E2F3: variants seen among roughly 807,000 people sequenced by gnomAD.
The protein encoded by E2F3 is transcription factor E2F3.
Under a neutral mutation model 44.4 loss-of-function variants are expected in E2F3, and 11 were observed. The ratio of observed to expected loss-of-function variants is 0.25; its 90% confidence interval spans 0.16 to 0.41. The LOEUF (loss-of-function observed/expected upper bound fraction) is 0.41, where lower values mean the gene tolerates loss of function less well. Among genes scored for constraint, E2F3 ranks in the 10% least tolerant of loss-of-function variants. The pLI is 1.00. For synonymous variants in E2F3, 249 were observed against 253.0 expected (o/e 0.98, Z 0.15); for missense variants, 487 against 583.6 (o/e 0.83, Z 1.70).
At chr6:20,418,604 G>A (rs1759926017) in intron 1 of E2F3, among the ~76,000 whole-genome samples, 1 of 152,206 alleles carries the variant, frequency 6.6e-6, no homozygotes, top group Non-Finnish European at 1.5e-5. Context: ...CTGCCAAGTG[G>A]ACAGTTGCAG....
chr6:20,482,621 TGTGTAA>T, intron 3 of E2F3, 135 bp from the exon 4 acceptor site: 1 of 309,006 alleles, frequency 3.2e-6, no homozygotes, highest in Non-Finnish European at 5.8e-6. Context: ...TATATATATA[TGTGTAA>T]ATGTTCTAAT....
intron 1 of E2F3, among the ~76,000 whole-genome samples, chr6:20,427,495 C>A (rs1760254565): frequency 6.6e-6 from 1 of 152,114 alleles, no homozygotes; most frequent in Non-Finnish European, 1.5e-5. Flanking sequence ...GGGATCAATT[C>A]TTTTCACCTC....
At chr6:20,405,401 C>CA (rs1187019815) in intron 1 of E2F3, among the ~76,000 whole-genome samples, 2 of 139,814 alleles carry the variant, frequency 1.4e-5, no homozygotes, top group African/African-American at 2.7e-5. Flanking sequence ...GGCTGGAGTG[C>CA]AATGGCACGA....
At chr6:20,479,709 A>T (rs1216891221) in intron 1 of E2F3, 137 bp from the exon 2 acceptor site, 1 of 670,206 alleles carries the variant, frequency 1.5e-6, no homozygotes, top group African/African-American at 1.8e-5. Flanking sequence ...GGGAATGACA[A>T]GATGCTGAGT....
intron 1 of E2F3, among the ~76,000 whole-genome samples, chr6:20,404,610 G>T (rs1759430803): frequency 6.6e-6 from 1 of 152,174 alleles, no homozygotes; most frequent in Non-Finnish European, 1.5e-5. Context: ...ATAATGAGGC[G>T]TTTTTTATTT....
intron 1 of E2F3, among the ~76,000 whole-genome samples, chr6:20,453,648 G>A (rs1239949768): frequency 1.3e-5 from 2 of 152,090 alleles, no homozygotes; most frequent in Non-Finnish European, 2.9e-5. Flanking sequence ...CTGGGCTCGG[G>A]CGATCCTACC....
chr6:20,446,965 T>C (rs926310908), intron 1 of E2F3, among the ~76,000 whole-genome samples: 1 of 152,214 alleles, frequency 6.6e-6, no homozygotes, highest in African/African-American at 2.4e-5. Context: ...AGCACCTTCA[T>C]GCAATGTCAC....
At chr6:20,421,915 G>C (rs893882601) in intron 1 of E2F3, 1 of 152,232 alleles carries the variant, frequency 6.6e-6, no homozygotes, top group Non-Finnish European at 1.5e-5. Flanking sequence ...AAGGGCCCTA[G>C]GGTTTTTGAA....
Position 20,401,973 on chromosome 6 carries a change from C to T in E2F3, c.-260C>T, listed in dbSNP as rs1759318116. ...CCGCCTCGCAATCCGTTGCATCGGC[C>T]GCCCCCGACGCCTCCATCCCCGCTT... On this transcript the variant is annotated 5_prime_UTR_variant, in exon 1 of 7. Coordinates refer to ENST00000346618, the MANE Select transcript of E2F3 (RefSeq NM_001949.5). 4.4e-6 allele frequency: 2 copies of T among 455,570 alleles called. No homozygotes were observed. Among genetic ancestry groups the T allele is most frequent in the Non-Finnish European group, 7.2e-6 (2 of 277,352 alleles). The allele number at this position is 455,570 out of a possible 1,614,324, so 28.2% of individuals were successfully genotyped here.
At chr6:20,447,152 G>A (rs1057468359) in intron 1 of E2F3, among the ~76,000 whole-genome samples, 4 of 152,104 alleles carry the variant, frequency 2.6e-5, no homozygotes, top group Admixed American at 1.3e-4. Context: ...AAGGAGGGAC[G>A]TCCACGTTTG....
At chr6:20,434,136 T>A (rs968024675) in intron 1 of E2F3, among the ~76,000 whole-genome samples, 10 of 152,206 alleles carry the variant, frequency 6.6e-5, no homozygotes, top group African/African-American at 2.4e-4. Flanking sequence ...TCCTGCCTTG[T>A]GGGAGGGACA....
chr6:20,442,967 C>A (rs1355794145), intron 1 of E2F3, among the ~76,000 whole-genome samples: 15 of 147,990 alleles, frequency 1.0e-4, no homozygotes, highest in South Asian at 2.1e-4. Flanking sequence ...CAAACTGTCT[C>A]AAAAAAAAAA....
chr6:20,446,519 T>C (rs1013542357), intron 1 of E2F3, among the ~76,000 whole-genome samples: 33 of 152,216 alleles, frequency 2.2e-4, no homozygotes, highest in African/African-American at 8.0e-4. Context: ...AATGCCTCTT[T>C]CTGGACCAGA....
Position 20,478,499 on chromosome 6 carries a change from G to A in E2F3, c.394-1347G>A, listed in dbSNP as rs556555541. Among the ~76,000 whole-genome samples, 89 of 152,154 alleles carry A rather than the reference G, an allele frequency of 5.8e-4. 1 individual carries two copies. In the South Asian group the frequency reaches 0.015, roughly 26 times the overall value. The stretch of plus-strand genomic sequence containing the variant: ...GTTATTACTTACGTTTTCACATCAC[G>A]GGGAGTTGTTTTGAAATTGCAACTC... On this transcript the variant is annotated intron_variant, in intron 1 of 6. Coordinates refer to ENST00000346618, the MANE Select transcript of E2F3 (RefSeq NM_001949.5).
Position 20,402,469 on chromosome 6 carries a change from A to G in E2F3, c.237A>G (p.Val79=). The G allele has an allele frequency of 6.2e-7, 1 of 1,609,144 alleles. No individual in the cohort carries two copies. The highest frequency in any genetic ancestry group is 1.1e-5 in the South Asian group (1 of 90,994). ...SCSSSLQSGA[V]AAGPLLPSAP... is the part of the protein sequence containing the mutation. ...CCTCCTCCCTCCAAAGCGGCGCCGTAGCCGCCGGCCCCCTCCTCCCCAGTG... is the reference window on the plus strand; with the variant it reads ...CCTCCTCCCTCCAAAGCGGCGCCGTGGCCGCCGGCCCCCTCCTCCCCAGTG... The change falls in exon 1 of 7, where the codon GTA becomes GTG. Residue 79 remains valine, a synonymous_variant. Transcript: ENST00000346618. The surrounding 1 kb of genome is among the most constrained non-coding windows in gnomAD (Gnocchi z 5.6).
chr6:20,428,684 C>G (rs535954923), intron 1 of E2F3, among the ~76,000 whole-genome samples: 1 of 152,208 alleles, frequency 6.6e-6, no homozygotes. Flanking sequence ...GTGCTGAAAA[C>G]AGGTCTCTTG....
intron 1 of E2F3, among the ~76,000 whole-genome samples, chr6:20,418,559 G>A (rs1414867636): frequency 1.3e-5 from 2 of 152,234 alleles, no homozygotes; most frequent in Admixed American, 6.5e-5. Flanking sequence ...GGACAAACTA[G>A]ACTGTGAACT....
intron 1 of E2F3, among the ~76,000 whole-genome samples, chr6:20,411,948 A>G (rs575838532): frequency 1.3e-5 from 2 of 152,282 alleles, no homozygotes; most frequent in Admixed American, 1.3e-4. Context: ...CCACTACACT[A>G]TAGGCTCAGC....
intron 1 of E2F3, among the ~76,000 whole-genome samples, chr6:20,442,332 T>C (rs1012646073): frequency 6.6e-6 from 1 of 152,224 alleles, no homozygotes; most frequent in African/African-American, 2.4e-5. Flanking sequence ...TTAATAGCTG[T>C]GGCTTCATCT....
Sources: allele counts gnomAD v4.1 joint callset (sites outside exome capture counted in the v4.1 genomes callset), GRCh38; gene constraint gnomAD v4.1.1; non-coding constraint Gnocchi (gnomAD v3.1); transcripts MANE v1.5; gene names NCBI Gene and HGNC (gene_info 2026-07-23, HGNC 2026-07-21).